CPEB1: variants seen among roughly 807,000 people sequenced by gnomAD.
The protein encoded by CPEB1 is cytoplasmic polyadenylation element-binding protein 1.
A neutral mutation model predicts 65.8 loss-of-function variants in CPEB1; 7 were observed. That is an observed-to-expected ratio of 0.11 (90% confidence interval 0.06 to 0.20). The LOEUF is 0.20. CPEB1 is among the 10% of genes least tolerant of loss of function. CPEB1 has a pLI of 1.00. For missense variants in CPEB1, 551 were observed against 712.2 expected, an observed-to-expected ratio of 0.77 and a Z score of 2.58; for synonymous variants, 262 against 260.0, an observed-to-expected ratio of 1.01 and a Z score of -0.08.
At chr15:82,580,849 C>CTT (rs113794355) in intron 3 of CPEB1, among the ~76,000 whole-genome samples, 101 of 147,228 alleles carry the variant, frequency 6.9e-4, no homozygotes, top group Middle Eastern at 3.6e-3. Context: ...TCCCCAATTT[C>CTT]TTTTTTTTTT....
chr15:82,610,532 C>T (rs966858140), intron 3 of CPEB1, among the ~76,000 whole-genome samples: 6 of 151,508 alleles, frequency 4.0e-5, no homozygotes, highest in African/African-American at 1.5e-4. Context: ...GAAAAAAAAT[C>T]AATAAAATAT....
At chr15:82,554,017 C>A (rs571381432) in intron 6 of CPEB1, 26 bp from the exon 7 acceptor site, 60 of 1,426,370 alleles carry the variant, frequency 4.2e-5, no homozygotes, top group Admixed American at 2.3e-4. Flanking sequence ...AAGAGATAAA[C>A]AGGGGAGGTT....
chr15:82,599,558 C>T (rs1006229197), intron 3 of CPEB1, among the ~76,000 whole-genome samples: 4 of 152,104 alleles, frequency 2.6e-5, no homozygotes, highest in Admixed American at 6.5e-5. Context: ...AACCAGGAAA[C>T]CCTCTCCCCA....
intron 3 of CPEB1, among the ~76,000 whole-genome samples, chr15:82,584,258 C>CAAAAAAAAAAAAAAAAAAAAAAAAAA: frequency 1.9e-5 from 1 of 53,288 alleles, no homozygotes; most frequent in Non-Finnish European, 3.3e-5. Flanking sequence ...GACTCCGTCT[C>CAAAAAAAAAAAAAAAAAAAAAAAAAA]AAAAAAAAAA....
At chr15:82,559,218 G>T (rs1163573112) in intron 4 of CPEB1, among the ~76,000 whole-genome samples, 1 of 151,924 alleles carries the variant, frequency 6.6e-6, no homozygotes, top group African/African-American at 2.4e-5. Flanking sequence ...ATGCTTTCAG[G>T]GTACGAGACA....
At chr15:82,594,435 T>C (rs1200936161) in intron 3 of CPEB1, among the ~76,000 whole-genome samples, 1 of 152,244 alleles carries the variant, frequency 6.6e-6, no homozygotes, top group African/African-American at 2.4e-5. Context: ...AATTTTCTTG[T>C]GCAGCTTCCT....
chr15:82,601,455 C>T (rs540587604), intron 3 of CPEB1, among the ~76,000 whole-genome samples: 18 of 152,064 alleles, frequency 1.2e-4, no homozygotes, highest in Non-Finnish European at 1.9e-4. Context: ...ACAGGACAAT[C>T]GCTTGAAACC....
At chr15:82,566,065 T>C (rs1235452926) in intron 4 of CPEB1, among the ~76,000 whole-genome samples, 1 of 152,214 alleles carries the variant, frequency 6.6e-6, no homozygotes, top group East Asian at 1.9e-4. Flanking sequence ...CACCCTTCTA[T>C]GCCAGCTCCT....
intron 1 of CPEB1, among the ~76,000 whole-genome samples, chr15:82,641,363 T>C (rs146142825): frequency 6.6e-6 from 1 of 152,198 alleles, no homozygotes; most frequent in African/African-American, 2.4e-5. Flanking sequence ...TGTTAAGTAG[T>C]AAGAGATTAA....
chr15:82,571,374 C>G lies in CPEB1; in HGVS notation c.430G>C (p.Asp144His). 1 of 1,614,124 alleles carries G rather than the reference C, an allele frequency of 6.2e-7. No homozygotes were observed. The highest frequency in any genetic ancestry group is 1.1e-5 in the South Asian group (1 of 91,070). ...WDRPWSTQDS[D>H]SSAQSSTHSV... ...TGTGTGCTGCTCTGGGCTGAGGAAT[C>G]TGAGTCCTGGGTGCTCCAGGGTCGG... Residue 144 changes from aspartate (D) to histidine (H), a missense_variant, in exon 4 of 13, where the codon GAT becomes CAT. Asp to His is a moderately conservative substitution (Grantham distance 81). This residue lies in a region of CPEB1 where 223 missense variants were observed against 228.6 expected (regional missense o/e 0.98). Coordinates refer to ENST00000684509, the MANE Select transcript of CPEB1 (RefSeq NM_001365242.1).
chr15:82,602,194 A>AT (rs1400469698), intron 3 of CPEB1, among the ~76,000 whole-genome samples: 1 of 152,236 alleles, frequency 6.6e-6, no homozygotes, highest in Non-Finnish European at 1.5e-5. Flanking sequence ...ATAAAAATTC[A>AT]TAACAAAAAG....
At chr15:82,632,413 G>T (rs1304889012) in intron 1 of CPEB1, among the ~76,000 whole-genome samples, 1 of 152,140 alleles carries the variant, frequency 6.6e-6, no homozygotes. Flanking sequence ...GAATTCAGGT[G>T]TCTAATTTCT....
chr15:82,625,427 A>G (rs942419965), intron 3 of CPEB1, among the ~76,000 whole-genome samples: 1 of 152,068 alleles, frequency 6.6e-6, no homozygotes, highest in Non-Finnish European at 1.5e-5. Flanking sequence ...ATACTCCTGC[A>G]TTTTTGTGGG....
chr15:82,569,314 G>A (rs2039654520), intron 4 of CPEB1, among the ~76,000 whole-genome samples: 1 of 152,118 alleles, frequency 6.6e-6, no homozygotes, highest in African/African-American at 2.4e-5. Context: ...AAAACCAAAG[G>A]CAACATGACG....
rs568153921 is a variant in CPEB1 at position 82,609,796 on chromosome 15, C to G, written c.271+17397G>C. ...TTACTATGGGCTGGCTGCAATGGCT[C>G]ATGCCTGTAATCCCAGCACTTTGGG... is the stretch of plus-strand genomic sequence containing the variant. On this transcript the variant is annotated intron_variant, in intron 3 of 12. Transcript: ENST00000684509. 2.0e-5 allele frequency among the ~76,000 whole-genome samples: 3 copies of G among 152,210 alleles called. No individual in the cohort carries two copies. The South Asian group carries it at 6.2e-4, about 32-fold the overall frequency.
intron 3 of CPEB1, among the ~76,000 whole-genome samples, chr15:82,620,355 G>A (rs1421270002): frequency 6.6e-6 from 1 of 151,866 alleles, no homozygotes; most frequent in African/African-American, 2.4e-5. Context: ...AACCTGGGAG[G>A]CGGAGGATGC....
intron 3 of CPEB1, among the ~76,000 whole-genome samples, chr15:82,592,890 G>C (rs1239253847): frequency 1.3e-5 from 2 of 151,730 alleles, no homozygotes; most frequent in Non-Finnish European, 2.9e-5. Context: ...CCAGCTACTC[G>C]GGAGGCTGAG....
intron 3 of CPEB1, among the ~76,000 whole-genome samples, chr15:82,600,829 G>A (rs1372470950): frequency 6.6e-6 from 1 of 151,818 alleles, no homozygotes; most frequent in African/African-American, 2.4e-5. Context: ...GTTTGGACAG[G>A]GGGAGGTTGG....
At chr15:82,592,929 G>A (rs532217999) in intron 3 of CPEB1, among the ~76,000 whole-genome samples, 22 of 151,758 alleles carry the variant, frequency 1.4e-4, no homozygotes, top group Non-Finnish European at 2.7e-4. Flanking sequence ...CCTGGGAGGC[G>A]GAGGTTGCAG....
Sources: gnomAD v4.1 joint callset for allele counts (sites outside exome capture counted in the v4.1 genomes callset) on GRCh38, gnomAD v4.1.1 for gene constraint, gnomAD v4.1.1 regional missense constraint, MANE v1.5 for transcripts, NCBI Gene and HGNC (gene_info 2026-07-23, HGNC 2026-07-21) for gene names.